PPIG: variants seen among roughly 807,000 people sequenced by gnomAD.
PPIG encodes peptidyl-prolyl cis-trans isomerase G.
A neutral mutation model predicts 87.9 loss-of-function variants in PPIG; 26 were observed. That is an observed-to-expected ratio of 0.30 (90% CI 0.22 to 0.41). The LOEUF (loss-of-function observed/expected upper bound fraction) is 0.41. Ranked by LOEUF, PPIG falls within the 10% of genes least tolerant of loss-of-function variation. The probability of loss-of-function intolerance (pLI) is 1.00; values close to 1 mark genes in which losing one functional copy is unlikely to be tolerated. For missense variants in PPIG, 722 were observed against 879.4 expected (o/e 0.82, Z 2.26); for synonymous variants, 308 against 276.5 (o/e 1.11, Z -1.13).
intron 9 of PPIG, among the ~76,000 whole-genome samples, chr2:169,624,749 G>A (rs551296005): frequency 1.8e-3 from 271 of 152,034 alleles, no homozygotes; most frequent in African/African-American, 5.9e-3. Flanking sequence ...CACCACGCCC[G>A]GCTAATTTCT....
In PPIG at chr2:169,637,235, G is replaced by C. The variant is rs1686205570; in HGVS notation, c.1977G>C (p.Glu659Asp). 6.2e-7 allele frequency: 1 copy of C among 1,613,418 alleles called. No homozygotes were observed. The highest frequency in any genetic ancestry group is 8.5e-7 in the Non-Finnish European group (1 of 1,179,910). ...GCTCACACAGAAAAGAAAATTCTGA[G>C]AGTGAGAAAAGAATGTACTCTAAAA... ...SKSSHRKENS[E>D]SEKRMYSKSR... is the part of the protein sequence containing the mutation. Residue 659 changes from glutamate (E) to aspartate (D), a missense_variant, in exon 14 of 14, where the codon GAG becomes GAC. Glu to Asp is a conservative substitution (Grantham distance 45). Coordinates refer to ENST00000260970, the MANE Select transcript of PPIG (RefSeq NM_004792.3).
intron 1 of PPIG, among the ~76,000 whole-genome samples, chr2:169,597,907 A>C (rs946286207): frequency 6.6e-6 from 1 of 151,572 alleles, no homozygotes; most frequent in Non-Finnish European, 1.5e-5. Context: ...ATAGAAACAA[A>C]GTTCTCCCTA....
rs1243934391 is a variant in PPIG at position 169,591,093 on chromosome 2, A to G, written c.-70+6603A>G. The stretch of plus-strand genomic sequence containing the variant: ...TTCCTCATAATGTGTGAAACTTCCA[A>G]ATAACTTTAAAATATAATAAAGTTA... On this transcript the variant is annotated intron_variant, in intron 1 of 13. Coordinates refer to ENST00000260970, the MANE Select transcript of PPIG (RefSeq NM_004792.3). 4.6e-5 allele frequency among the ~76,000 whole-genome samples: 7 copies of G among 152,352 alleles called. No individual in the cohort carries two copies. The East Asian group carries it at 1.3e-3, about 29-fold the overall frequency.
rs1363551888 is a variant in PPIG at position 169,604,293 on chromosome 2, AG to A, written c.136+33del. On this transcript the variant is annotated intron_variant, in intron 4 of 13. Coordinates refer to ENST00000260970, the MANE Select transcript of PPIG (RefSeq NM_004792.3). ...TCACATTTTCAACTGCCCTAATAGT[AG>A]TCTCAGTTGACTATGGCTTGCTTGC... is the stretch of plus-strand genomic sequence containing the variant. 5 of 1,101,230 alleles carry A rather than the reference AG, an allele frequency of 4.5e-6. No homozygotes were observed. The East Asian group carries it at 1.5e-4, about 34-fold the overall frequency. The allele number at this position is 1,101,230 out of a possible 1,614,324, so 68.2% of individuals were successfully genotyped here. A position where few individuals can be genotyped will look rare whatever the true frequency, so the allele number is the denominator to read the frequency against.
At chr2:169,633,553 AC>A (rs1686112136) in intron 12 of PPIG, 1 of 443,114 alleles carries the variant, frequency 2.3e-6, no homozygotes, top group Non-Finnish European at 3.9e-6. Context: ...ATAAAAATTA[AC>A]CCTATTCTTG....
At position 169,640,349 on chromosome 2, in the gene PPIG, A is replaced by T. The variant is rs1686281970; in HGVS notation, c.*2826A>T. The T allele has an allele frequency of 6.6e-6, 1 of 152,192 alleles. No homozygotes were observed. The highest frequency in any genetic ancestry group is 2.1e-4 in the South Asian group (1 of 4,828). The allele number at this position is 152,192 out of a possible 1,614,324, so 9.4% of individuals were successfully genotyped here. On this transcript the variant is annotated 3_prime_UTR_variant, in exon 14 of 14. Coordinates refer to ENST00000260970, the MANE Select transcript of PPIG (RefSeq NM_004792.3). Reference sequence around the variant, plus strand: ...ACAATTAAAGAACTCTTCATTATGGATAGGCACATATTGGATCTCTGGTAT... The same window carrying T: ...ACAATTAAAGAACTCTTCATTATGGTTAGGCACATATTGGATCTCTGGTAT...
rs557318952 is a variant in PPIG, at chr2:169,597,850, C to CCTTG, written c.-69-5787_-69-5784dup. Among the ~76,000 whole-genome samples, 428 of 104,676 alleles carry CCTTG rather than the reference C, an allele frequency of 4.1e-3. 4 individuals are homozygous for CCTTG. Among genetic ancestry groups the CCTTG allele is most frequent in the African/African-American group, 0.015 (401 of 27,062 alleles). The allele number at this position is 104,676 out of a possible 152,430, so 68.7% of individuals were successfully genotyped here. The stretch of plus-strand genomic sequence containing the variant: ...ACAGTATATCCTACACACTTCTGTA[C>CCTTG]CTTGCTTGTTTGTTTGTTTGTTTGT... On this transcript the variant is annotated intron_variant, in intron 1 of 13. Transcript: ENST00000260970.
Position 169,614,661 on chromosome 2 carries a change from G to A in PPIG, c.484G>A (p.Ala162Thr), listed in dbSNP as rs778345305. 3.1e-6 allele frequency: 5 copies of A among 1,612,838 alleles called. No homozygotes were observed. In the East Asian group the frequency reaches 1.1e-4, roughly 36 times the overall value. The change falls in exon 9 of 14, where the codon GCT (alanine) becomes ACT (threonine). Residue 162 changes from alanine to threonine, a missense_variant. Coordinates refer to ENST00000260970, the MANE Select transcript of PPIG (RefSeq NM_004792.3). ...GATTGAAAACCAGAAAACAGATGCA[G>A]CTAGCAAACCGTTTGCGGAGGTACG... is the stretch of plus-strand genomic sequence containing the variant. ...REIENQKTDA[A>T]SKPFAEVRIL...
At chr2:169,597,805 T>G (rs1371898110) in intron 1 of PPIG, among the ~76,000 whole-genome samples, 1 of 152,116 alleles carries the variant, frequency 6.6e-6, no homozygotes, top group Non-Finnish European at 1.5e-5. Context: ...AGCTCTCTCT[T>G]CTTTTAAAAA....
chr2:169,637,225 A>G lies in PPIG; in HGVS notation c.1967A>G (p.Glu656Gly). 1 of 1,613,522 alleles carries G rather than the reference A, an allele frequency of 6.2e-7. No individual in the cohort carries two copies. Among genetic ancestry groups the G allele is most frequent in the Non-Finnish European group, 8.5e-7 (1 of 1,179,940 alleles). ...NQESKSSHRK[E>G]NSESEKRMYS... ...GAGAGTAAGAGCTCACACAGAAAAG[A>G]AAATTCTGAGAGTGAGAAAAGAATG... is the stretch of plus-strand genomic sequence containing the variant. The change falls in exon 14 of 14, where the codon GAA (glutamate) becomes GGA (glycine). Residue 656 changes from glutamate to glycine, a missense_variant. Physicochemically the swap from Glu to Gly is moderately conservative, Grantham distance 98 (BLOSUM62 -2). Around this residue, in one of 4 missense-constraint regions of PPIG, gnomAD observed 476 missense variants for 483.1 expected, o/e 0.99. Coordinates refer to ENST00000260970, the MANE Select transcript of PPIG (RefSeq NM_004792.3).
intron 6 of PPIG, 43 bp from the exon 7 acceptor site, chr2:169,608,628 A>G (rs767269209): frequency 5.9e-6 from 8 of 1,346,052 alleles, no homozygotes; most frequent in Middle Eastern, 1.8e-4. Flanking sequence ...ATTTTTTTGG[A>G]GGTTATATCT....
intron 13 of PPIG, 24 bp from the exon 14 acceptor site, chr2:169,636,389 C>A: frequency 6.7e-7 from 1 of 1,493,656 alleles, no homozygotes; most frequent in Non-Finnish European, 9.0e-7. Context: ...TAACATTTCC[C>A]CAATTCTTTT....
intron 9 of PPIG, among the ~76,000 whole-genome samples, chr2:169,622,714 A>G (rs1017738900): frequency 2.0e-5 from 3 of 152,192 alleles, no homozygotes; most frequent in African/African-American, 7.2e-5. Flanking sequence ...TTGAAAACAC[A>G]CACTTGGGCC....
At position 169,624,832 on chromosome 2, in the gene PPIG, C is replaced by T. The variant is rs189534797; in HGVS notation, c.548-5942C>T. On this transcript the variant is annotated intron_variant, in intron 9 of 13. Transcript: ENST00000260970. ...GTCTTGATCTTCTGACTTCGTGATCCGCCCACCTCGGCCTCCCAGAGTGCT... is the reference window on the plus strand; with the variant it reads ...GTCTTGATCTTCTGACTTCGTGATCTGCCCACCTCGGCCTCCCAGAGTGCT... Among the ~76,000 whole-genome samples the T allele has an allele frequency of 1.2e-3, 190 of 152,248 alleles. No homozygotes were observed. The Middle Eastern group carries it at 0.017, about 14-fold the overall frequency.
At chr2:169,621,011 T>C (rs1247487934) in intron 9 of PPIG, among the ~76,000 whole-genome samples, 1 of 152,134 alleles carries the variant, frequency 6.6e-6, no homozygotes, top group East Asian at 1.9e-4. Context: ...ATCCCTATTT[T>C]ACAGACAAAG....
chr2:169,586,589 G>T (rs1014201804), intron 1 of PPIG, among the ~76,000 whole-genome samples: 1 of 152,120 alleles, frequency 6.6e-6, no homozygotes, highest in African/African-American at 2.4e-5. Flanking sequence ...CAGTATTGGT[G>T]ACTTCTACAT....
chr2:169,605,258 C>T (rs1449244786), intron 4 of PPIG, among the ~76,000 whole-genome samples: 1 of 152,022 alleles, frequency 6.6e-6, no homozygotes. Context: ...CACTTGAACC[C>T]TAGATGGAGG....
At chr2:169,594,785 C>T (rs115248766) in intron 1 of PPIG, among the ~76,000 whole-genome samples, 4,776 of 151,888 alleles carry the variant, frequency 0.031, 112 homozygotes, top group Non-Finnish European at 0.048. Flanking sequence ...TCACTACGCT[C>T]AGCTAATTTT....
intron 7 of PPIG, among the ~76,000 whole-genome samples, chr2:169,611,905 T>G (rs1685498390): frequency 6.6e-6 from 1 of 152,226 alleles, no homozygotes; most frequent in Non-Finnish European, 1.5e-5. Flanking sequence ...AATTTTTTTG[T>G]ACTATAACAT....
Sources: allele counts gnomAD v4.1 joint callset (sites outside exome capture counted in the v4.1 genomes callset), GRCh38; gene constraint gnomAD v4.1.1; regional missense constraint gnomAD v4.1.1; transcripts MANE v1.5; gene names NCBI Gene and HGNC (gene_info 2026-07-23, HGNC 2026-07-21).